The following SYMPK variants were observed in gnomAD, a reference collection of about 807,000 sequenced individuals.
SYMPK encodes the protein symplekin.
In SYMPK, 49 loss-of-function variants were observed where a neutral mutation model predicts 136.4. That is an observed-to-expected ratio of 0.36 (90% CI 0.29 to 0.46). SYMPK has a LOEUF of 0.46. SYMPK is among the 20% of genes least tolerant of loss of function. The probability of loss-of-function intolerance (pLI) is 1.00; values close to 1 mark genes in which losing one functional copy is unlikely to be tolerated. For missense variants in SYMPK, 1,365 were observed against 1,690.0 expected (o/e 0.81, Z 3.37); for synonymous variants, 766 against 713.0 (o/e 1.07, Z -1.19).
At chr19:45,820,017 C>G (rs1024666438) in intron 22 of SYMPK, 2 of 152,468 alleles carry the variant, frequency 1.3e-5, no homozygotes, top group Admixed American at 1.3e-4. Context: ...GGGGGCCTCA[C>G]TCCTGGTGGC....
At chr19:45,840,432 G>A (rs545399097) in intron 9 of SYMPK, among the ~76,000 whole-genome samples, 2 of 151,918 alleles carry the variant, frequency 1.3e-5, no homozygotes, top group East Asian at 1.9e-4. Flanking sequence ...AGGAGGCGAA[G>A]GCAGGCAGAT....
At chr19:45,827,066 C>G (rs1971057267) in intron 16 of SYMPK, among the ~76,000 whole-genome samples, 1 of 152,196 alleles carries the variant, frequency 6.6e-6, no homozygotes, top group African/African-American at 2.4e-5. Context: ...CCCTCCCTCC[C>G]CAGGGCAGCC....
At chr19:45,846,471 C>T (rs1403444963) in intron 7 of SYMPK, among the ~76,000 whole-genome samples, 1 of 152,132 alleles carries the variant, frequency 6.6e-6, no homozygotes, top group African/African-American at 2.4e-5. Flanking sequence ...TACCTACATC[C>T]TAAATTAGAT....
At chr19:45,862,198 G>T (rs1971982643) in intron 1 of SYMPK, among the ~76,000 whole-genome samples, 1 of 152,026 alleles carries the variant, frequency 6.6e-6, no homozygotes. Flanking sequence ...TTTTTTATGT[G>T]GATGTATTAT....
At chr19:45,825,104 A>C in intron 18 of SYMPK, 67 bp downstream of exon 18, 13 of 1,558,304 alleles carry the variant, frequency 8.3e-6, no homozygotes, top group Admixed American at 1.8e-5. Flanking sequence ...AGGTTGGGGA[A>C]GAGCTGGAGC....
Position 45,821,510 on chromosome 19 carries a change from G to A in SYMPK, c.2792-25C>T, listed in dbSNP as rs763124470. On this transcript the variant is annotated intron_variant, in intron 21 of 26. Transcript: ENST00000245934. The surrounding 1 kb of genome is among the most constrained non-coding windows in gnomAD (Gnocchi z 4.4). ...CCTGCAGCAGGCGGGAGGAAGGGTG[G>A]GGGAAGACAGTGCGGACGCATAAGT... 1 of 1,538,862 alleles carries A rather than the reference G, an allele frequency of 6.5e-7. No individual in the cohort carries two copies.
chr19:45,841,609 A>T (rs1287439177), intron 9 of SYMPK, among the ~76,000 whole-genome samples: 2 of 152,150 alleles, frequency 1.3e-5, no homozygotes, highest in Admixed American at 1.3e-4. Flanking sequence ...CTTATTTTTT[A>T]AAATGAAAAA....
chr19:45,847,820 ATC>A lies in SYMPK; in HGVS notation c.606_607del (p.Glu202AspfsTer8). 6.2e-7 allele frequency: 1 copy of A among 1,614,074 alleles called. No individual in the cohort carries two copies. The highest frequency in any genetic ancestry group is 8.5e-7 in the Non-Finnish European group (1 of 1,180,014). On this transcript the variant is annotated frameshift_variant, in exon 7 of 27. Coordinates refer to ENST00000245934, the MANE Select transcript of SYMPK (RefSeq NM_004819.3). LOFTEE classifies it high-confidence loss of function. ...GATATCATGCTCCTGGCGTCGGGGT[ATC>A]TCTGAGTCAGCCATGCGGGGTGACA...
At position 45,816,822 on chromosome 19, in the gene SYMPK, A is replaced by G; in HGVS notation, c.3234T>C (p.His1078=). 1 of 1,543,192 alleles carries G rather than the reference A, an allele frequency of 6.5e-7. No homozygotes were observed. The highest frequency in any genetic ancestry group is 1.2e-5 in the South Asian group (1 of 83,704). The change falls in exon 24 of 27, where the codon CAT becomes CAC. Residue 1078 remains histidine, a synonymous_variant. Coordinates refer to ENST00000245934, the MANE Select transcript of SYMPK (RefSeq NM_004819.3). ...CCTGGTGGGGGGTGAAGGAGCGGAC[A>G]TGGGCCAGCAGGGGCTCCCGGAGCT... ...CPELREPLLA[H]VRSFTPHQQA... is the part of the protein sequence containing the mutation.
At position 45,854,427 on chromosome 19, in the gene SYMPK, C is replaced by T. The variant is rs766333659; in HGVS notation, c.69G>A (p.Glu23=). 1 of 1,614,130 alleles carries T rather than the reference C, an allele frequency of 6.2e-7. No homozygotes were observed. The highest frequency in any genetic ancestry group is 8.5e-7 in the Non-Finnish European group (1 of 1,179,980). Residue 23 remains glutamate (E), a synonymous_variant, in exon 2 of 27, where the codon GAG becomes GAA. Coordinates refer to ENST00000245934, the MANE Select transcript of SYMPK (RefSeq NM_004819.3). ...TGGTCATGCCATCGATGCCCGGCCC[C>T]TCCTCTTGAGTGAAAAACTGTGATG... ...SVASQFFTQE[E]GPGIDGMTTS... is the part of the protein sequence containing the mutation.
intron 22 of SYMPK, chr19:45,819,004 G>T (rs1488760174): frequency 1.3e-5 from 2 of 151,264 alleles, no homozygotes; most frequent in Admixed American, 6.6e-5. Context: ...GGTCTCTAAG[G>T]GGGGGGGCGT....
chr19:45,822,219 T>C (rs57905685), intron 21 of SYMPK, among the ~76,000 whole-genome samples: 1,647 of 148,454 alleles, frequency 0.011, 33 homozygotes, highest in African/African-American at 0.039. Flanking sequence ...CCCGGGTTCA[T>C]GCCATTCTCC....
At chr19:45,823,309 C>T in intron 20 of SYMPK, 63 bp downstream of exon 20, 1 of 1,522,344 alleles carries the variant, frequency 6.6e-7, no homozygotes, top group South Asian at 1.1e-5. Flanking sequence ...CAACGTGCTG[C>T]CCTGCCCCTC....
intron 11 of SYMPK, among the ~76,000 whole-genome samples, chr19:45,832,916 T>C (rs547117912): frequency 6.6e-6 from 1 of 150,406 alleles, no homozygotes; most frequent in East Asian, 2.0e-4. Context: ...TCCCAGCTAC[T>C]TGGAAGGCAG....
At chr19:45,823,982 C>A (rs1847427790) in intron 18 of SYMPK, 107 bp from the exon 19 acceptor site, 1 of 706,050 alleles carries the variant, frequency 1.4e-6, no homozygotes. Context: ...CAGGGTGAGA[C>A]TGAGGTGACA....
At chr19:45,858,161 G>A (rs1338012704) in intron 1 of SYMPK, among the ~76,000 whole-genome samples, 2 of 152,050 alleles carry the variant, frequency 1.3e-5, no homozygotes, top group African/African-American at 4.8e-5. Context: ...TCACATGATA[G>A]GGGTCTCCTC....
At chr19:45,861,038 G>A (rs1336585272) in intron 1 of SYMPK, among the ~76,000 whole-genome samples, 3 of 152,100 alleles carry the variant, frequency 2.0e-5, no homozygotes, top group Non-Finnish European at 4.4e-5. Context: ...GTCTGTTTAC[G>A]TAAGCCAAGG....
At chr19:45,854,666 T>C in intron 1 of SYMPK, 159 bp from the exon 2 acceptor site, 1 of 625,604 alleles carries the variant, frequency 1.6e-6, no homozygotes, top group Non-Finnish European at 2.9e-6. Context: ...CCAGGGTCTG[T>C]CTCTGGCTTA....
chr19:45,854,795 C>T (rs752775605), intron 1 of SYMPK: 134 of 422,984 alleles, frequency 3.2e-4, no homozygotes, highest in Middle Eastern at 6.6e-4. Flanking sequence ...GCCACATGAA[C>T]GTGCAACAGC....
Sources: gnomAD v4.1 joint callset for allele counts (sites outside exome capture counted in the v4.1 genomes callset) on GRCh38, gnomAD v4.1.1 for gene constraint, Gnocchi (gnomAD v3.1) non-coding constraint, MANE v1.5 for transcripts, NCBI Gene and HGNC (gene_info 2026-07-23, HGNC 2026-07-21) for gene names.